Variants in PCSK5 observed in about 807,000 individuals in gnomAD.
PCSK5 encodes the protein proprotein convertase subtilisin/kexin type 5, also known as prohormone convertase 5.
Under a neutral mutation model 233.2 loss-of-function variants are expected in PCSK5, and 129 were observed. That is an observed-to-expected ratio of 0.55 (90% confidence interval 0.48 to 0.64). PCSK5 has a LOEUF of 0.64. Ranked by LOEUF, PCSK5 falls within the 30% of genes least tolerant of loss-of-function variation. PCSK5 has a pLI of 0.00. For synonymous variants in PCSK5, 825 were observed against 879.2 expected, an observed-to-expected ratio of 0.94 and a Z score of 1.09; for missense variants, 2,076 against 2,430.1, an observed-to-expected ratio of 0.85 and a Z score of 3.06.
intron 7 of PCSK5, among the ~76,000 whole-genome samples, chr9:76,083,928 C>G (rs1365284403): frequency 2.6e-5 from 4 of 152,108 alleles, no homozygotes; most frequent in Non-Finnish European, 5.9e-5. Flanking sequence ...GGATTAGTAC[C>G]AGTTTGCTTT....
chr9:76,235,309 A>G (rs1379501695), intron 22 of PCSK5, among the ~76,000 whole-genome samples: 1 of 151,180 alleles, frequency 6.6e-6, no homozygotes, highest in Non-Finnish European at 1.5e-5. Context: ...CAACAAAAAA[A>G]AAGAAGAAGA....
intron 3 of PCSK5, among the ~76,000 whole-genome samples, chr9:76,023,013 C>T (rs544832710): frequency 6.6e-6 from 1 of 152,026 alleles, no homozygotes; most frequent in Non-Finnish European, 1.5e-5. Context: ...CTGAGTGGTT[C>T]GATTTGTAGC....
chr9:76,190,385 T>C (rs1453793520), intron 20 of PCSK5, among the ~76,000 whole-genome samples: 2 of 151,938 alleles, frequency 1.3e-5, no homozygotes, highest in South Asian at 2.1e-4. Context: ...AGAATCTGTA[T>C]AATTGGAATT....
intron 2 of PCSK5, among the ~76,000 whole-genome samples, chr9:75,948,215 G>A (rs2131316713): frequency 6.6e-6 from 1 of 152,018 alleles, no homozygotes; most frequent in South Asian, 2.1e-4. Flanking sequence ...CAACATGCAG[G>A]TTTGTTACAT....
Position 76,295,334 on chromosome 9 carries a change from G to C in PCSK5, c.3245G>C (p.Cys1082Ser), listed in dbSNP as rs756579710. ...PEKTYSEEVE[C>S]KACDSNCGSC... ...AAGACCTACAGTGAGGAAGTGGAAT[G>C]CAAGGCGTGTGATAGTAACTGTGGC... The change falls in exon 26 of 38, where the codon TGC becomes TCC. Residue 1082 changes from cysteine to serine, a missense_variant. Transcript: ENST00000674117. The C allele has an allele frequency of 1.4e-5, 23 of 1,611,884 alleles. No homozygotes were observed. Among genetic ancestry groups the C allele is most frequent in the Non-Finnish European group, 1.9e-5 (22 of 1,179,054 alleles).
chr9:76,091,451 C>A (rs774089748), intron 7 of PCSK5, among the ~76,000 whole-genome samples: 2 of 152,136 alleles, frequency 1.3e-5, no homozygotes, highest in Non-Finnish European at 2.9e-5. Context: ...CACTGAAAAC[C>A]CTTTTTCCAA....
intron 5 of PCSK5, among the ~76,000 whole-genome samples, chr9:76,029,062 C>A (rs1230190164): frequency 6.6e-6 from 1 of 152,150 alleles, no homozygotes; most frequent in Non-Finnish European, 1.5e-5. Context: ...CTGGCTTCTT[C>A]CTGCTGTTGG....
chr9:76,208,417 G>C (rs1469852362), intron 20 of PCSK5, among the ~76,000 whole-genome samples: 3 of 152,144 alleles, frequency 2.0e-5, no homozygotes, highest in Non-Finnish European at 4.4e-5. Context: ...ACTCCTGGCA[G>C]GAAACCCTGA....
At chr9:76,115,292 CA>C (rs1237217696) in intron 9 of PCSK5, among the ~76,000 whole-genome samples, 2 of 151,982 alleles carry the variant, frequency 1.3e-5, no homozygotes, top group East Asian at 3.9e-4. Context: ...AATTAATCTG[CA>C]AAAAGTGCCT....
chr9:75,927,952 T>C (rs1823573757), intron 1 of PCSK5, among the ~76,000 whole-genome samples: 1 of 152,218 alleles, frequency 6.6e-6, no homozygotes, highest in South Asian at 2.1e-4. Flanking sequence ...TTACAACGCC[T>C]TTCCTAAGAA....
chr9:76,170,414 G>T (rs1015276303), intron 13 of PCSK5, among the ~76,000 whole-genome samples: 2 of 152,146 alleles, frequency 1.3e-5, no homozygotes, highest in African/African-American at 4.8e-5. Context: ...TTTCAGGTAG[G>T]CTCAGTCTGT....
intron 2 of PCSK5, among the ~76,000 whole-genome samples, chr9:75,979,695 A>G (rs1187212983): frequency 6.6e-6 from 1 of 152,206 alleles, no homozygotes; most frequent in African/African-American, 2.4e-5. Context: ...CATTGCCCGT[A>G]ATATCTTCTT....
At chr9:76,226,377 G>C (rs1825892372) in intron 20 of PCSK5, among the ~76,000 whole-genome samples, 1 of 152,088 alleles carries the variant, frequency 6.6e-6, no homozygotes, top group South Asian at 2.1e-4. Flanking sequence ...GGGGAAAGAG[G>C]GATGAATTTC....
intron 1 of PCSK5, among the ~76,000 whole-genome samples, chr9:75,932,014 T>C (rs1252832188): frequency 6.6e-6 from 1 of 152,240 alleles, no homozygotes; most frequent in Non-Finnish European, 1.5e-5. Context: ...TGTGTTTTTA[T>C]AACTAGATAG....
intron 2 of PCSK5, among the ~76,000 whole-genome samples, chr9:75,948,317 C>A (rs920585346): frequency 7.0e-6 from 1 of 142,714 alleles, no homozygotes; most frequent in Non-Finnish European, 1.5e-5. Context: ...CTCGCCCCCC[C>A]ACCCCCCGAA....
Position 76,058,603 on chromosome 9 carries a change from G to A in PCSK5, c.633-9352G>A, listed in dbSNP as rs1232286100. ...TTGGATCAAGGAGCGTCTCCCTCAA[G>A]CCTCAAAGAATTCACAGAGATAAAA... On this transcript the variant is annotated intron_variant, in intron 5 of 37. Transcript: ENST00000674117. Among the ~76,000 whole-genome samples the A allele has an allele frequency of 2.6e-5, 4 of 152,016 alleles. No homozygotes were observed. In the East Asian group the frequency reaches 7.7e-4, roughly 29 times the overall value.
chr9:75,908,511 T>G (rs746894420), intron 1 of PCSK5, among the ~76,000 whole-genome samples: 37 of 152,180 alleles, frequency 2.4e-4, no homozygotes, highest in Non-Finnish European at 3.5e-4. Context: ...AAAGAATTGC[T>G]TCTTCCTCTC....
intron 2 of PCSK5, among the ~76,000 whole-genome samples, chr9:75,968,195 G>T (rs4644325): frequency 0.7 from 105,776 of 152,158 alleles, 37,226 homozygotes; most frequent in East Asian, 0.81. Flanking sequence ...TGATTGTGCT[G>T]AGTAAATGTG....
chr9:75,996,303 T>G (rs1466610925), intron 3 of PCSK5, among the ~76,000 whole-genome samples: 1 of 152,214 alleles, frequency 6.6e-6, no homozygotes, highest in East Asian at 1.9e-4. Context: ...AGAACCTATA[T>G]TATTCCTGAT....
Sources: allele counts gnomAD v4.1 joint callset (sites outside exome capture counted in the v4.1 genomes callset), GRCh38; gene constraint gnomAD v4.1.1; transcripts MANE v1.5; gene names NCBI Gene and HGNC (gene_info 2026-07-23, HGNC 2026-07-21).